Variants in ST7L observed in about 807,000 individuals in gnomAD.
The protein encoded by ST7L is suppression of tumorigenicity 7 like.
Under a neutral mutation model 72.5 loss-of-function variants are expected in ST7L, and 57 were observed. The observed-to-expected ratio is 0.79, with a 90% confidence interval of 0.64 to 0.98. The LOEUF is 0.98. Ranked by LOEUF, ST7L falls within the 50% of genes least tolerant of loss-of-function variation. The probability of loss-of-function intolerance (pLI) is 0.00; values close to 1 mark genes in which losing one functional copy is unlikely to be tolerated. For missense variants in ST7L, 576 were observed against 672.2 expected, an observed-to-expected ratio of 0.86 and a Z score of 1.58; for synonymous variants, 221 against 240.9, an observed-to-expected ratio of 0.92 and a Z score of 0.77.
chr1:112,580,055 C>T (rs1466962176), intron 9 of ST7L, among the ~76,000 whole-genome samples: 3 of 152,216 alleles, frequency 2.0e-5, no homozygotes, highest in Non-Finnish European at 4.4e-5. Flanking sequence ...ACTTCTCTTT[C>T]CAAGTATAAC....
Position 112,555,912 on chromosome 1 carries a change from C to T in ST7L, c.1352G>A (p.Arg451Gln), listed in dbSNP as rs6658555. Residue 451 changes from arginine (R) to glutamine (Q), a missense_variant, in exon 12 of 15, where the codon CGA becomes CAA. Coordinates refer to ENST00000358039, the MANE Select transcript of ST7L (RefSeq NM_017744.5). ...TAACAGATTAAGAGCACCTTCTATT[C>T]GTTTCCAGTGCTGAAGATGAAAGAA... Reference protein sequence around the residue: ...YAFFHLQHWKRIEGALNLLQC... With the variant: ...YAFFHLQHWKQIEGALNLLQC... The T allele has an allele frequency of 0.23, 365,176 of 1,610,628 alleles. 44,541 individuals carry two copies. Among genetic ancestry groups the T allele is most frequent in the Middle Eastern group, 0.27 (1,658 of 6,044 alleles).
intron 9 of ST7L, among the ~76,000 whole-genome samples, chr1:112,580,869 A>G (rs1486658345): frequency 2.6e-5 from 4 of 152,240 alleles, no homozygotes; most frequent in Non-Finnish European, 5.9e-5. Context: ...CGGAGCTTGC[A>G]GTGAGCCGAG....
chr1:112,555,286 C>A (rs1658919209), intron 12 of ST7L, among the ~76,000 whole-genome samples: 1 of 152,060 alleles, frequency 6.6e-6, no homozygotes, highest in Admixed American at 6.6e-5. Context: ...GTAAGTCAGG[C>A]CAGGTGCGGT....
intron 6 of ST7L, among the ~76,000 whole-genome samples, chr1:112,585,359 A>G (rs1391886357): frequency 2.0e-5 from 3 of 152,246 alleles, no homozygotes; most frequent in Non-Finnish European, 4.4e-5. Context: ...ATGCAAGTGT[A>G]AAAATGCACA....
At chr1:112,575,390 A>G (rs1662943642) in intron 11 of ST7L, among the ~76,000 whole-genome samples, 1 of 152,214 alleles carries the variant, frequency 6.6e-6, no homozygotes. Flanking sequence ...TTAATTTATA[A>G]TTTAGGCACA....
At chr1:112,565,483 A>C (rs1389381546) in intron 11 of ST7L, among the ~76,000 whole-genome samples, 1 of 151,858 alleles carries the variant, frequency 6.6e-6, no homozygotes, top group Admixed American at 6.6e-5. Context: ...GCTCTACTTT[A>C]CTCTTGCCCT....
At chr1:112,531,536 T>C (rs937501198) in intron 14 of ST7L, among the ~76,000 whole-genome samples, 5 of 152,216 alleles carry the variant, frequency 3.3e-5, no homozygotes, top group Non-Finnish European at 7.4e-5. Context: ...TAGACTGACC[T>C]TTTGGGTCAC....
upstream of ST7L, chr1:112,619,183 G>C: frequency 6.9e-7 from 1 of 1,457,832 alleles, no homozygotes. Context: ...GGGAATCCTG[G>C]GATAGTGGCG....
At chr1:112,568,558 A>C (rs1241854651) in intron 11 of ST7L, among the ~76,000 whole-genome samples, 4 of 150,636 alleles carry the variant, frequency 2.7e-5, no homozygotes, top group Non-Finnish European at 5.9e-5. Context: ...GATGGTCTCG[A>C]TCTCCTGACC....
intron 11 of ST7L, among the ~76,000 whole-genome samples, chr1:112,571,792 T>C (rs1420206580): frequency 6.6e-6 from 1 of 152,226 alleles, no homozygotes; most frequent in Non-Finnish European, 1.5e-5. Flanking sequence ...AGACATATCT[T>C]GGACATATTG....
At chr1:112,536,378 T>C (rs115521361) in intron 14 of ST7L, among the ~76,000 whole-genome samples, 3,044 of 152,236 alleles carry the variant, frequency 0.02, 103 homozygotes, top group African/African-American at 0.069. Flanking sequence ...TCAATTGGTA[T>C]ACATTAATAT....
At chr1:112,555,293 C>T (rs1296082143) in intron 12 of ST7L, among the ~76,000 whole-genome samples, 4 of 152,014 alleles carry the variant, frequency 2.6e-5, no homozygotes, top group African/African-American at 7.2e-5. Context: ...AGGCCAGGTG[C>T]GGTGGCTCAT....
chr1:112,571,915 G>C (rs145445471), intron 11 of ST7L, among the ~76,000 whole-genome samples: 351 of 152,238 alleles, frequency 2.3e-3, no homozygotes, highest in African/African-American at 7.8e-3. Flanking sequence ...TCCACCAGAG[G>C]AATCACTATA....
intron 1 of ST7L, chr1:112,617,328 C>G (rs1433623101): frequency 6.5e-6 from 1 of 154,374 alleles, no homozygotes; most frequent in Non-Finnish European, 1.4e-5. Context: ...AGAAAAGCAA[C>G]AAACAGAAAT....
At chr1:112,602,713 C>CTTTTTTTTTTTTTTTTTTTTTTTTTTTT in intron 3 of ST7L, among the ~76,000 whole-genome samples, 1 of 120,498 alleles carries the variant, frequency 8.3e-6, no homozygotes, top group Non-Finnish European at 1.7e-5. Flanking sequence ...CATTTTCTTT[C>CTTTTTTTTTTTTTTTTTTTTTTTTTTTT]TTTTTTTTTT....
intron 14 of ST7L, chr1:112,528,200 T>A (rs1653775275): frequency 6.6e-6 from 1 of 152,046 alleles, no homozygotes; most frequent in African/African-American, 2.4e-5. Flanking sequence ...CTGAGGGCAG[T>A]CAGAAGAAGG....
chr1:112,571,128 C>T (rs991937918), intron 11 of ST7L: 10 of 360,536 alleles, frequency 2.8e-5, no homozygotes, highest in Non-Finnish European at 3.8e-5. Context: ...CGAGATCAGC[C>T]CACTGCACTC....
chr1:112,595,219 G>T (rs1571222657), intron 5 of ST7L, among the ~76,000 whole-genome samples: 1 of 151,744 alleles, frequency 6.6e-6, no homozygotes, highest in African/African-American at 2.4e-5. Flanking sequence ...TACAAAATTA[G>T]CCGGGCATAG....
chr1:112,604,411 T>C (rs1667881821), intron 3 of ST7L, among the ~76,000 whole-genome samples: 1 of 152,098 alleles, frequency 6.6e-6, no homozygotes, highest in Admixed American at 6.6e-5. Context: ...AAATATTATC[T>C]GAATCAGACA....
Sources: allele counts gnomAD v4.1 joint callset (sites outside exome capture counted in the v4.1 genomes callset), GRCh38; gene constraint gnomAD v4.1.1; transcripts MANE v1.5; gene names NCBI Gene and HGNC (gene_info 2026-07-23, HGNC 2026-07-21).